The following C5 variants were observed in gnomAD, a reference collection of about 807,000 sequenced individuals.
C5 encodes the protein complement C5, also known as C3 and PZP-like alpha-2-macroglobulin domain-containing protein 4.
In C5, 140 loss-of-function variants were observed where a neutral mutation model predicts 218.8. The observed-to-expected ratio is 0.64, with a 90% confidence interval of 0.56 to 0.74. C5 has a LOEUF of 0.74. Among genes scored for constraint, C5 ranks in the 30% least tolerant of loss-of-function variants. The pLI, the probability that C5 is intolerant of heterozygous loss-of-function variation, is 0.00. For synonymous variants in C5, 614 were observed against 682.3 expected (o/e 0.90, Z 1.56); for missense variants, 1,700 against 1,969.6 (o/e 0.86, Z 2.59).
chr9:121,044,923 G>A (rs1233973042), intron 2 of C5, among the ~76,000 whole-genome samples: 1 of 151,220 alleles, frequency 6.6e-6, no homozygotes, highest in African/African-American at 2.4e-5. Flanking sequence ...TCAGATAAAA[G>A]AGTGTCTTTT....
chr9:121,061,616 T>C, the C5 span, among the ~76,000 whole-genome samples: 1 of 152,374 alleles, frequency 6.6e-6, no homozygotes, highest in East Asian at 1.9e-4. Flanking sequence ...AGATTTGCTA[T>C]TTAACATCAT....
At chr9:121,035,944 G>A (rs2047520379) in intron 4 of C5, among the ~76,000 whole-genome samples, 1 of 151,906 alleles carries the variant, frequency 6.6e-6, no homozygotes, top group African/African-American at 2.4e-5. Flanking sequence ...TAGCTACTCA[G>A]GAAGCTGAGG....
intron 31 of C5, 52 bp downstream of exon 31, chr9:120,971,878 C>T: frequency 2.2e-6 from 3 of 1,369,740 alleles, no homozygotes; most frequent in Non-Finnish European, 3.1e-6. Flanking sequence ...TTTTATGTTA[C>T]CTAGTACAAA....
intron 17 of C5, among the ~76,000 whole-genome samples, chr9:121,010,042 T>G (rs1459077526): frequency 1.3e-5 from 2 of 152,122 alleles, no homozygotes; most frequent in East Asian, 1.9e-4. Context: ...TGGGCTGGAG[T>G]GCTCTAGGGC....
chr9:120,989,797 C>A lies in C5; in HGVS notation c.2942-17G>T. 6.3e-7 allele frequency: 1 copy of A among 1,588,988 alleles called. No homozygotes were observed. The highest frequency in any genetic ancestry group is 8.6e-7 in the Non-Finnish European group (1 of 1,157,486). On this transcript the variant is annotated splice_polypyrimidine_tract_variant and intron_variant, in intron 23 of 40. Coordinates refer to ENST00000223642, the MANE Select transcript of C5 (RefSeq NM_001735.3). ...CAAGCAGTCCTGAAACAAAAAAGATCAAAGTAGACACATTGCTTTTTATTA... is the reference window on the plus strand; with the variant it reads ...CAAGCAGTCCTGAAACAAAAAAGATAAAAGTAGACACATTGCTTTTTATTA...
At chr9:121,009,373 C>T (rs1161793357) in intron 17 of C5, among the ~76,000 whole-genome samples, 1 of 152,162 alleles carries the variant, frequency 6.6e-6, no homozygotes, top group East Asian at 1.9e-4. Flanking sequence ...TGCCTAGAGG[C>T]AGTTTACAGA....
intron 12 of C5, among the ~76,000 whole-genome samples, chr9:121,018,252 CAAAAAAAAAAAAA>C (rs1189613789): frequency 1.2e-4 from 5 of 42,204 alleles, no homozygotes. Flanking sequence ...GACTCTGTCT[CAAAAAAAAAAAAA>C]AAAAAAAAAA....
At chr9:121,042,704 C>T (rs541943016) in intron 3 of C5, among the ~76,000 whole-genome samples, 2 of 152,272 alleles carry the variant, frequency 1.3e-5, no homozygotes, top group South Asian at 2.1e-4. Context: ...TAACATTTTA[C>T]ATTTTTACAT....
At chr9:121,020,301 G>C (rs2047353407) in intron 11 of C5, 122 bp from the exon 12 acceptor site, 6 of 819,264 alleles carry the variant, frequency 7.3e-6, no homozygotes, top group African/African-American at 1.7e-5. Context: ...AAATGCTAAA[G>C]GGGAAAAAAC....
At chr9:120,985,156 C>T (rs115616711) in intron 25 of C5, among the ~76,000 whole-genome samples, 1,542 of 152,194 alleles carry the variant, frequency 0.01, 13 homozygotes, top group African/African-American at 0.029. Context: ...TAGCTTTTTG[C>T]GTTCTCCTCT....
chr9:120,955,462 G>C (rs552132570), intron 39 of C5, among the ~76,000 whole-genome samples: 83 of 152,088 alleles, frequency 5.5e-4, no homozygotes, highest in Non-Finnish European at 9.6e-4. Context: ...TGTATTTCTG[G>C]AATGAAAAGC....
chr9:121,036,328 C>G (rs1416058637), intron 4 of C5, among the ~76,000 whole-genome samples: 1 of 152,144 alleles, frequency 6.6e-6, no homozygotes, highest in Admixed American at 6.5e-5. Flanking sequence ...CCTTAAGGCT[C>G]TGGGATCAGC....
the C5 span, among the ~76,000 whole-genome samples, chr9:121,072,427 G>A: frequency 1.3e-5 from 2 of 152,130 alleles, no homozygotes; most frequent in Admixed American, 6.5e-5. Context: ...GAAACGATGG[G>A]TGTCAAAACA....
intron 28 of C5, among the ~76,000 whole-genome samples, chr9:120,979,371 C>T (rs2046975239): frequency 6.6e-6 from 1 of 152,108 alleles, no homozygotes; most frequent in Non-Finnish European, 1.5e-5. Flanking sequence ...ATTTTCTTTC[C>T]CTGCTCTATT....
intron 24 of C5, 132 bp from the exon 25 acceptor site, chr9:120,989,253 T>C (rs1164516214): frequency 1.4e-5 from 11 of 760,158 alleles, no homozygotes; most frequent in Non-Finnish European, 2.6e-5. Flanking sequence ...GTGGCCAGCA[T>C]TGAACTTCTC....
At chr9:121,048,746 A>G (rs536310046) in intron 1 of C5, among the ~76,000 whole-genome samples, 204 of 53,366 alleles carry the variant, frequency 3.8e-3, no homozygotes, top group South Asian at 5.6e-3. Context: ...TTGTCTTTCA[A>G]TTGCTGCAGA....
chr9:121,065,695 C>T, the C5 span, among the ~76,000 whole-genome samples: 1 of 152,132 alleles, frequency 6.6e-6, no homozygotes, highest in Non-Finnish European at 1.5e-5. Context: ...GCCATGTTTT[C>T]CTAGCTGGTC....
At chr9:120,974,390 CTA>C (rs2046936838) in intron 30 of C5, among the ~76,000 whole-genome samples, 1 of 152,200 alleles carries the variant, frequency 6.6e-6, no homozygotes, top group Non-Finnish European at 1.5e-5. Context: ...GCGCTGTTAT[CTA>C]TGTCTGGAAT....
chr9:121,013,074 C>T (rs1300152017), intron 17 of C5, among the ~76,000 whole-genome samples: 3 of 152,116 alleles, frequency 2.0e-5, no homozygotes, highest in African/African-American at 7.2e-5. Flanking sequence ...AATCTCAGCA[C>T]TTTGGGAGGC....
Sources: allele counts gnomAD v4.1 joint callset (sites outside exome capture counted in the v4.1 genomes callset), GRCh38; gene constraint gnomAD v4.1.1; transcripts MANE v1.5; gene names NCBI Gene and HGNC (gene_info 2026-07-23, HGNC 2026-07-21).